Variants in TRABD2A observed in about 807,000 individuals in gnomAD.
TRABD2A encodes the protein TraB domain containing 2A.
Under a neutral mutation model 45.6 loss-of-function variants are expected in TRABD2A, and 43 were observed. That is an observed-to-expected ratio of 0.94 (90% confidence interval 0.74 to 1.22). The LOEUF (loss-of-function observed/expected upper bound fraction) is 1.22. TRABD2A is among the 50% of genes most tolerant of loss of function. The probability of loss-of-function intolerance (pLI) is 0.00; values close to 1 mark genes in which losing one functional copy is unlikely to be tolerated. For missense variants in TRABD2A, 642 were observed against 652.4 expected (o/e 0.98, Z 0.17); for synonymous variants, 269 against 265.0 (o/e 1.02, Z -0.15).
intron 4 of TRABD2A, chr2:84,834,415 C>A (rs1413325543): frequency 1.3e-5 from 2 of 152,234 alleles, no homozygotes; most frequent in African/African-American, 4.8e-5. Context: ...ATTTCTATAA[C>A]AGTTTTATTA....
At chr2:84,863,704 C>T (rs1411997848) in intron 2 of TRABD2A, among the ~76,000 whole-genome samples, 3 of 148,440 alleles carry the variant, frequency 2.0e-5, no homozygotes, top group Admixed American at 1.3e-4. Context: ...CTCTGCCCTC[C>T]GAGTTCAAGT....
At chr2:84,866,864 C>G (rs766479832) in intron 2 of TRABD2A, among the ~76,000 whole-genome samples, 1 of 152,106 alleles carries the variant, frequency 6.6e-6, no homozygotes, top group Admixed American at 6.5e-5. Context: ...GCAGGAAGAT[C>G]GCTTGAGGCC....
At chr2:84,857,847 C>T (rs988776908) in intron 2 of TRABD2A, among the ~76,000 whole-genome samples, 1 of 152,210 alleles carries the variant, frequency 6.6e-6, no homozygotes, top group African/African-American at 2.4e-5. Flanking sequence ...TCCTGCAGCA[C>T]TGCTGTGTGC....
chr2:84,823,853 C>T, intron 6 of TRABD2A, 100 bp downstream of exon 6: 10 of 1,496,702 alleles, frequency 6.7e-6, no homozygotes, highest in Non-Finnish European at 1.8e-6. Context: ...AAGGTTGCTC[C>T]ATGAGGGGGG....
intron 2 of TRABD2A, among the ~76,000 whole-genome samples, chr2:84,869,605 C>T (rs1196996766): frequency 6.6e-6 from 1 of 152,186 alleles, no homozygotes; most frequent in African/African-American, 2.4e-5. Flanking sequence ...TGCCCTGTGA[C>T]AACCAGTGTG....
chr2:84,840,892 T>C (rs1170053743), intron 3 of TRABD2A, among the ~76,000 whole-genome samples: 1 of 152,210 alleles, frequency 6.6e-6, no homozygotes, highest in Non-Finnish European at 1.5e-5. Flanking sequence ...TAATGAAATG[T>C]CACCTTTCTG....
chr2:84,845,067 T>C (rs1681837240), intron 2 of TRABD2A, among the ~76,000 whole-genome samples: 1 of 152,186 alleles, frequency 6.6e-6, no homozygotes, highest in Admixed American at 6.5e-5. Context: ...ATAAGAACTT[T>C]AGGCCAGGCG....
rs184984584 is a variant in TRABD2A, at chr2:84,851,956, T to C, written c.670-9949A>G. Among the ~76,000 whole-genome samples, 10 of 152,336 alleles carry C rather than the reference T, an allele frequency of 6.6e-5. No homozygotes were observed. The East Asian group carries it at 1.9e-3, about 29-fold the overall frequency. ...GCAATGGGAGCAGAGCTCTCTGGTC[T>C]CCATCCTGACCTCTCTGCCTTGCTT... On this transcript the variant is annotated intron_variant, in intron 2 of 6. Coordinates refer to ENST00000409520, the MANE Select transcript of TRABD2A (RefSeq NM_001277053.2).
At chr2:84,863,597 C>CT (rs55952015) in intron 2 of TRABD2A, among the ~76,000 whole-genome samples, 8,684 of 77,970 alleles carry the variant, frequency 0.11, 984 homozygotes, top group African/African-American at 0.18. Context: ...TTCAAATTTT[C>CT]TTTTTTTTTT....
chr2:84,846,943 C>T (rs1193176445), intron 2 of TRABD2A, among the ~76,000 whole-genome samples: 1 of 152,244 alleles, frequency 6.6e-6, no homozygotes, highest in East Asian at 1.9e-4. Context: ...TGTCCCACTC[C>T]AGATGGCAGC....
Position 84,881,054 on chromosome 2 carries a change from C to T in TRABD2A, c.-15G>A, listed in dbSNP as rs1050811255. ...CAGGGACTCATCCTCCTCAAGGCGG[C>T]TCCGAGGCCCGGAACGCGGAGGGAA... is the stretch of plus-strand genomic sequence containing the variant. On this transcript the variant is annotated 5_prime_UTR_variant, in exon 1 of 7. Coordinates refer to ENST00000409520, the MANE Select transcript of TRABD2A (RefSeq NM_001277053.2). 1.3e-6 allele frequency: 2 copies of T among 1,582,082 alleles called. No individual in the cohort carries two copies. The highest frequency in any genetic ancestry group is 1.3e-5 in the African/African-American group (1 of 74,084).
rs751307000 is a variant in TRABD2A, at chr2:84,832,188, C to A, written c.992-43G>T. The A allele has an allele frequency of 5.0e-6, 8 of 1,592,162 alleles. No homozygotes were observed. The African/African-American group carries it at 6.7e-5, about 13-fold the overall frequency. On this transcript the variant is annotated intron_variant, in intron 4 of 6. Transcript: ENST00000409520. ...ACCTGAAATGCTGCAGCTCTCAGGA[C>A]CACCAAACATACTCCCCAAACACAC... is the stretch of plus-strand genomic sequence containing the variant.
chr2:84,843,906 A>G (rs1017868577), intron 2 of TRABD2A: 2 of 152,062 alleles, frequency 1.3e-5, no homozygotes, highest in African/African-American at 4.8e-5. Flanking sequence ...AGTTACTCTA[A>G]TATTTCCTGT....
intron 2 of TRABD2A, among the ~76,000 whole-genome samples, chr2:84,865,374 A>C (rs1022729012): frequency 3.3e-5 from 5 of 152,242 alleles, no homozygotes; most frequent in Non-Finnish European, 5.9e-5. Context: ...AACAATAACA[A>C]AGAAGTGATG....
At chr2:84,832,026 C>T (rs1257205133) in intron 5 of TRABD2A, 29 bp downstream of exon 5, 1 of 1,613,044 alleles carries the variant, frequency 6.2e-7, no homozygotes, top group Admixed American at 1.7e-5. Context: ...CTCAGCTCCC[C>T]AGCCAAGATA....
Position 84,841,930 on chromosome 2 carries a change from C to T in TRABD2A, c.747G>A (p.Thr249=), listed in dbSNP as rs962028883. The change falls in exon 3 of 7, where the codon ACG becomes ACA. Residue 249 remains threonine (T), a synonymous_variant. Coordinates refer to ENST00000409520, the MANE Select transcript of TRABD2A (RefSeq NM_001277053.2). The part of the protein sequence containing the change: ...RAGSLQIPYT[T]EDLIKHYNCG... ...AGTTATAGTGTTTGATGAGATCCTC[C>T]GTCGTGTAGGGGATCTGAAGACTGC... 1.9e-5 allele frequency: 30 copies of T among 1,548,452 alleles called. No homozygotes were observed. Among genetic ancestry groups the T allele is most frequent in the African/African-American group, 6.9e-5 (5 of 72,962 alleles).
chr2:84,877,464 G>A (rs1683063740), intron 1 of TRABD2A, among the ~76,000 whole-genome samples: 1 of 152,228 alleles, frequency 6.6e-6, no homozygotes, highest in African/African-American at 2.4e-5. Flanking sequence ...AGACAACCGG[G>A]CATGGTGGCT....
At position 84,841,933 on chromosome 2, in the gene TRABD2A, C is replaced by T. The variant is rs776678911; in HGVS notation, c.744G>A (p.Thr248=). The change falls in exon 3 of 7, where the codon ACG becomes ACA. Residue 248 remains threonine (T), a synonymous_variant. Transcript: ENST00000409520. The part of the protein sequence containing the change: ...LRAGSLQIPY[T]TEDLIKHYNC... ...TATAGTGTTTGATGAGATCCTCCGT[C>T]GTGTAGGGGATCTGAAGACTGCCTG... 515 of 1,548,556 alleles carry T rather than the reference C, an allele frequency of 3.3e-4. No individual in the cohort carries two copies. Among genetic ancestry groups the T allele is most frequent in the Non-Finnish European group, 4.3e-4 (490 of 1,146,198 alleles).
At chr2:84,832,207 AACAC>A (rs1026834284) in intron 4 of TRABD2A, 62 bp from the exon 5 acceptor site, 2 of 1,547,046 alleles carry the variant, frequency 1.3e-6, no homozygotes, top group African/African-American at 2.7e-5. Context: ...ATACTCCCCA[AACAC>A]ACACCCTAGA....
Sources: gnomAD v4.1 joint callset for allele counts (sites outside exome capture counted in the v4.1 genomes callset) on GRCh38, gnomAD v4.1.1 for gene constraint, MANE v1.5 for transcripts, NCBI Gene and HGNC (gene_info 2026-07-23, HGNC 2026-07-21) for gene names.